Variants in RBFOX1 observed in about 807,000 individuals in gnomAD.
The protein encoded by RBFOX1 is RNA binding protein fox-1 homolog 1.
Under a neutral mutation model 57.7 loss-of-function variants are expected in RBFOX1, and 8 were observed. The observed-to-expected ratio is 0.14, with a 90% confidence interval of 0.08 to 0.25. The LOEUF is 0.25. Ranked by LOEUF, RBFOX1 falls within the 10% of genes least tolerant of loss-of-function variation. The probability of loss-of-function intolerance (pLI) is 1.00; values close to 1 mark genes in which losing one functional copy is unlikely to be tolerated. For missense variants in RBFOX1, 611 were observed against 548.5 expected (o/e 1.11, Z -1.14); for synonymous variants, 326 against 222.4 (o/e 1.47, Z -4.15).
At chr16:5,782,206 A>G (rs548499219) in intron 3 of RBFOX1, among the ~76,000 whole-genome samples, 2 of 152,344 alleles carry the variant, frequency 1.3e-5, no homozygotes, top group South Asian at 4.1e-4. Context: ...GCAAGACTCA[A>G]GCACAGAAAC....
chr16:5,996,129 T>G (rs529254238), intron 4 of RBFOX1, among the ~76,000 whole-genome samples: 1 of 152,282 alleles, frequency 6.6e-6, no homozygotes, highest in Non-Finnish European at 1.5e-5. Context: ...ACCATCAACT[T>G]TGGTGTTGGG....
rs1342054496 is a variant in RBFOX1 at position 6,775,980 on chromosome 16, A to G, written c.-16+121330A>G. 2.0e-5 allele frequency: 3 copies of G among 152,278 alleles called. No individual in the cohort carries two copies. The East Asian group carries it at 5.8e-4, about 29-fold the overall frequency. 9.4% of individuals were successfully genotyped at this position (152,278 alleles called of 1,614,324 possible). ...TGTGTTCACAGGCATATCGATTCCA[A>G]GTCTGATCACAGCCACAAATTTCTT... is the stretch of plus-strand genomic sequence containing the variant. On this transcript the variant is annotated intron_variant, in intron 3 of 15. Coordinates refer to ENST00000550418, the MANE Select transcript of RBFOX1 (RefSeq NM_018723.4).
intron 2 of RBFOX1, among the ~76,000 whole-genome samples, chr16:6,450,432 A>G (rs1008980470): frequency 2.0e-5 from 3 of 151,718 alleles, no homozygotes; most frequent in Non-Finnish European, 4.4e-5. Flanking sequence ...TTATTGGTTT[A>G]TTTTCACAAT....
intron 2 of RBFOX1, among the ~76,000 whole-genome samples, chr16:6,372,983 G>A (rs569610779): frequency 6.6e-6 from 1 of 152,236 alleles, no homozygotes; most frequent in East Asian, 1.9e-4. Context: ...TCGGATGGGA[G>A]GGTGGTTGGT....
At chr16:6,687,972 A>G (rs560906611) in intron 3 of RBFOX1, among the ~76,000 whole-genome samples, 13 of 152,342 alleles carry the variant, frequency 8.5e-5, no homozygotes, top group African/African-American at 3.1e-4. Flanking sequence ...GACACATGCT[A>G]ACAAAACCAC....
chr16:6,207,243 T>C (rs2097261477), intron 1 of RBFOX1, among the ~76,000 whole-genome samples: 1 of 152,178 alleles, frequency 6.6e-6, no homozygotes, highest in African/African-American at 2.4e-5. Flanking sequence ...ACTCTCCTTG[T>C]TCAGTGAAGC....
At position 7,267,173 on chromosome 16, in the gene RBFOX1, C is replaced by T. The variant is rs557767173; in HGVS notation, c.27+215075C>T. Among the ~76,000 whole-genome samples, 4 of 152,206 alleles carry T rather than the reference C, an allele frequency of 2.6e-5. No individual in the cohort carries two copies. In the South Asian group the frequency reaches 8.3e-4, roughly 32 times the overall value. On this transcript the variant is annotated intron_variant, in intron 4 of 15. Transcript: ENST00000550418. ...ATGCACTTTGGGAGGCCGAGGTAGG[C>T]AGGTTGCTTGAGGTCAGGTGTTTGA...
chr16:5,847,361 A>C (rs1358133692), intron 3 of RBFOX1, among the ~76,000 whole-genome samples: 12 of 150,624 alleles, frequency 8.0e-5, no homozygotes, highest in African/African-American at 2.9e-4. Context: ...TCTGAAAAAA[A>C]AAATGGGGGT....
rs139747922 is a variant in RBFOX1, at chr16:5,598,837, G to A, written c.259-65G>A. 1.6e-4 allele frequency: 199 copies of A among 1,283,728 alleles called. 1 individual carries two copies. The East Asian group carries it at 4.7e-3, about 30-fold the overall frequency. The allele number at this position is 1,283,728 out of a possible 1,614,324, so 79.5% of individuals were successfully genotyped here. On this transcript the variant is annotated intron_variant, in intron 2 of 2. Coordinates refer to the RBFOX1 transcript ENST00000585867. Reference sequence around the variant, plus strand: ...GTTGTGCTAAACTGGGTTACTCAAGGTTAGAATTTTTTTCCTCAACCCGGC... The same window carrying A: ...GTTGTGCTAAACTGGGTTACTCAAGATTAGAATTTTTTTCCTCAACCCGGC...
chr16:6,799,868 C>T lies in RBFOX1; in HGVS notation c.-16+145218C>T, dbSNP rs566974649. Among the ~76,000 whole-genome samples, 27 of 152,182 alleles carry T rather than the reference C, an allele frequency of 1.8e-4. 1 individual carries two copies. The highest frequency in any genetic ancestry group is 1.4e-3 in the Admixed American group (21 of 15,290). On this transcript the variant is annotated intron_variant, in intron 3 of 15. Transcript: ENST00000550418. The stretch of plus-strand genomic sequence containing the variant: ...GTCAGCTTCCCTGCTTTTAAGGTTT[C>T]GGGACTCGGAGTGAGTCATTACTGG...
chr16:5,562,403 A>G (rs894387860), intron 2 of RBFOX1, among the ~76,000 whole-genome samples: 3 of 152,038 alleles, frequency 2.0e-5, no homozygotes, highest in African/African-American at 4.8e-5. Context: ...ACTTTTGGTT[A>G]TGTGTTAGAT....
intron 5 of RBFOX1, among the ~76,000 whole-genome samples, chr16:7,559,038 G>C (rs1050114487): frequency 2.0e-5 from 3 of 152,122 alleles, no homozygotes; most frequent in Admixed American, 6.6e-5. Context: ...CCTGGTCTCT[G>C]TTAAAGGAGA....
intron 3 of RBFOX1, among the ~76,000 whole-genome samples, chr16:5,754,741 A>G (rs1258133205): frequency 7.4e-5 from 2 of 26,948 alleles, no homozygotes; most frequent in Non-Finnish European, 1.4e-4. Flanking sequence ...TTTACAAAGC[A>G]GTATTGCTGC....
intron 3 of RBFOX1, among the ~76,000 whole-genome samples, chr16:6,918,476 A>C (rs7201356): frequency 0.18 from 27,514 of 152,030 alleles, 2,898 homozygotes; most frequent in East Asian, 0.27. Flanking sequence ...AATCCAATCA[A>C]ATTAATTGTT....
At chr16:5,990,889 G>A (rs998087682) in intron 4 of RBFOX1, among the ~76,000 whole-genome samples, 8 of 152,132 alleles carry the variant, frequency 5.3e-5, no homozygotes, top group East Asian at 3.9e-4. Context: ...CAGGAGACTC[G>A]CTTGAACCTG....
chr16:6,660,224 T>TA (rs112347010), intron 3 of RBFOX1, among the ~76,000 whole-genome samples: 2,883 of 122,706 alleles, frequency 0.023, 36 homozygotes, highest in African/African-American at 0.037. Context: ...GACTTCATCT[T>TA]AAAAAAAAAA....
At chr16:6,569,011 G>A (rs1444941737) in intron 2 of RBFOX1, among the ~76,000 whole-genome samples, 4 of 152,076 alleles carry the variant, frequency 2.6e-5, no homozygotes, top group African/African-American at 4.8e-5. Flanking sequence ...AACCTTAAAT[G>A]ATCTGCCTAC....
intron 4 of RBFOX1, among the ~76,000 whole-genome samples, chr16:7,396,767 G>C (rs1172017766): frequency 6.6e-6 from 1 of 151,968 alleles, no homozygotes; most frequent in Non-Finnish European, 1.5e-5. Context: ...CTATGAAACT[G>C]CATCTCTACT....
chr16:6,755,597 G>C (rs945445741), intron 3 of RBFOX1, among the ~76,000 whole-genome samples: 1 of 152,168 alleles, frequency 6.6e-6, no homozygotes, highest in Admixed American at 6.5e-5. Flanking sequence ...TGTTGTTTCA[G>C]TGTTTTATCA....
Sources: gnomAD v4.1 joint callset for allele counts (sites outside exome capture counted in the v4.1 genomes callset) on GRCh38, gnomAD v4.1.1 for gene constraint, MANE v1.5 for transcripts, NCBI Gene and HGNC (gene_info 2026-07-23, HGNC 2026-07-21) for gene names.